Variants in DHX33 observed in about 807,000 individuals in gnomAD.
DHX33 encodes the protein ATP-dependent RNA helicase DHX33.
In DHX33, 42 loss-of-function variants were observed where a neutral mutation model predicts 72.5. The observed-to-expected ratio is 0.58, with a 90% CI of 0.45 to 0.75. The LOEUF is 0.75. Ranked by LOEUF, DHX33 falls within the 30% of genes least tolerant of loss-of-function variation. DHX33 has a pLI of 0.00. For missense variants in DHX33, 842 were observed against 917.5 expected, an observed-to-expected ratio of 0.92 and a Z score of 1.06; for synonymous variants, 358 against 366.1, an observed-to-expected ratio of 0.98 and a Z score of 0.25.
In DHX33 at chr17:5,468,976, G is replaced by T; in HGVS notation, c.-117C>A. The T allele has an allele frequency of 1.7e-6, 1 of 585,470 alleles. No homozygotes were observed. The highest frequency in any genetic ancestry group is 2.9e-5 in the Admixed American group (1 of 34,386). 36.3% of individuals were successfully genotyped at this position (585,470 alleles called of 1,614,324 possible). A position where few individuals can be genotyped will look rare whatever the true frequency, so the allele number is the denominator to read the frequency against. On this transcript the variant is annotated 5_prime_UTR_variant, in exon 1 of 12. Transcript: ENST00000225296. The stretch of plus-strand genomic sequence containing the variant: ...CCGCCACGTGCTGGCGGCTCCCGGC[G>T]ACCACCGATGACCTCACGGCCGCCC...
At chr17:5,445,557 G>A (rs1362181100) in intron 11 of DHX33, among the ~76,000 whole-genome samples, 1 of 152,248 alleles carries the variant, frequency 6.6e-6, no homozygotes, top group Non-Finnish European at 1.5e-5. Flanking sequence ...TGCTCTTGAT[G>A]AGTGGGGCAT....
At chr17:5,465,064 T>A (rs1904814761) in intron 1 of DHX33, among the ~76,000 whole-genome samples, 1 of 152,264 alleles carries the variant, frequency 6.6e-6, no homozygotes, top group African/African-American at 2.4e-5. Flanking sequence ...GTGCTCTGAA[T>A]GTCCCTCTCG....
chr17:5,463,483 A>C, intron 2 of DHX33, 46 bp downstream of exon 2: 1 of 1,587,612 alleles, frequency 6.3e-7, no homozygotes, highest in Non-Finnish European at 8.6e-7. Flanking sequence ...ATGGGGAGAG[A>C]GCTGTTGAGT....
At chr17:5,445,422 T>G (rs1916620720) in intron 11 of DHX33, among the ~76,000 whole-genome samples, 1 of 152,210 alleles carries the variant, frequency 6.6e-6, no homozygotes, top group African/African-American at 2.4e-5. Context: ...CATAGCTGGC[T>G]GCCTTCTCTT....
In DHX33 at chr17:5,442,892, A is replaced by G. The variant is rs1916486919; in HGVS notation, c.*1313T>C. ...CCGTTAGTGCCTTTTCTCTGCTCAG[A>G]ATATCAGAACAGGAACAGACTGTGG... On this transcript the variant is annotated 3_prime_UTR_variant, in exon 12 of 12. Coordinates refer to ENST00000225296, the MANE Select transcript of DHX33 (RefSeq NM_020162.4). 1 of 152,228 alleles carries G rather than the reference A, an allele frequency of 6.6e-6. No individual in the cohort carries two copies. Among genetic ancestry groups the G allele is most frequent in the African/African-American group, 2.4e-5 (1 of 41,460 alleles). The allele number at this position is 152,228 out of a possible 1,614,324, so 9.4% of individuals were successfully genotyped here. A position where few individuals can be genotyped will look rare whatever the true frequency, so the allele number is the denominator to read the frequency against.
At position 5,461,034 on chromosome 17, in the gene DHX33, C is replaced by T. The variant is rs772092235; in HGVS notation, c.754G>A (p.Glu252Lys). ...YFNGAPVLYLEGRQHPIQVFY... is the reference protein window; with the variant it reads ...YFNGAPVLYLKGRQHPIQVFY... ...ACCTGGATCGGATGCTGCCGACCCT[C>T]TAGGTAGAGGACGGGGGCGCCATTG... Residue 252 changes from glutamate (E) to lysine (K), a missense_variant, in exon 4 of 12, where the codon GAG becomes AAG. Transcript: ENST00000225296. 3 of 1,613,414 alleles carry T rather than the reference C, an allele frequency of 1.9e-6. No homozygotes were observed.
chr17:5,445,741 G>A (rs1916633732), intron 11 of DHX33, among the ~76,000 whole-genome samples: 1 of 152,156 alleles, frequency 6.6e-6, no homozygotes, highest in Non-Finnish European at 1.5e-5. Flanking sequence ...CCATGCGGAG[G>A]TAAAGGTGAG....
chr17:5,450,296 C>T lies in DHX33; in HGVS notation c.1635G>A (p.Val545=), dbSNP rs140649356. 1.9e-6 allele frequency: 3 copies of T among 1,614,206 alleles called. No individual in the cohort carries two copies. The highest frequency in any genetic ancestry group is 2.5e-6 in the Non-Finnish European group (3 of 1,180,036). ...LHNPPSRREE[V]QGVRKKFISS... ...ATATGAACTTCTTGCGGACCCCTTGCACTTCCTCTCGCCGGGAAGGAGGGT... is the reference window on the plus strand; with the variant it reads ...ATATGAACTTCTTGCGGACCCCTTGTACTTCCTCTCGCCGGGAAGGAGGGT... Residue 545 remains valine, a synonymous_variant, in exon 10 of 12, where the codon GTG becomes GTA. Transcript: ENST00000225296.
At position 5,444,186 on chromosome 17, in the gene DHX33, G is replaced by C. The variant is rs1233684682; in HGVS notation, c.*19C>G. On this transcript the variant is annotated 3_prime_UTR_variant, in exon 12 of 12. Coordinates refer to ENST00000225296, the MANE Select transcript of DHX33 (RefSeq NM_020162.4). The surrounding 1 kb of genome is among the most constrained non-coding windows in gnomAD (Gnocchi z 4.9). ...CAAGCTCCCAGGGACCAGTGATTCT[G>C]GCGGCATCCTGGGGCGGCTCAGTTT... is the stretch of plus-strand genomic sequence containing the variant. 1 of 1,604,330 alleles carries C rather than the reference G, an allele frequency of 6.2e-7. No individual in the cohort carries two copies.
rs372892765 is a variant in DHX33 at position 5,444,189 on chromosome 17, G to A, written c.*16C>T. ...GCTCCCAGGGACCAGTGATTCTGGC[G>A]GCATCCTGGGGCGGCTCAGTTTCTG... On this transcript the variant is annotated 3_prime_UTR_variant, in exon 12 of 12. Coordinates refer to ENST00000225296, the MANE Select transcript of DHX33 (RefSeq NM_020162.4). This position sits in a 1 kb window ranked among gnomAD's most constrained non-coding sequence, Gnocchi z 4.9. The A allele has an allele frequency of 3.9e-5, 63 of 1,605,566 alleles. No homozygotes were observed. In the African/African-American group the frequency reaches 4.7e-4, roughly 12 times the overall value.
rs1012511169 is a variant in DHX33, at chr17:5,444,217, G to A, written c.2112C>T (p.Thr704=). The change falls in exon 12 of 12, where the codon ACC becomes ACT. Residue 704 remains threonine, a synonymous_variant. Coordinates refer to ENST00000225296, the MANE Select transcript of DHX33 (RefSeq NM_020162.4). The surrounding 1 kb of genome is among the most constrained non-coding windows in gnomAD (Gnocchi z 4.9). ...APEYFRRKLR[T]ARN The stretch of plus-strand genomic sequence containing the variant: ...ATCCTGGGGCGGCTCAGTTTCTGGC[G>A]GTTCTCAGCTTCCTCCTAAAGTACT... 2 of 1,612,638 alleles carry A rather than the reference G, an allele frequency of 1.2e-6. No individual in the cohort carries two copies. Among genetic ancestry groups the A allele is most frequent in the Non-Finnish European group, 1.7e-6 (2 of 1,178,782 alleles).
intron 3 of DHX33, among the ~76,000 whole-genome samples, chr17:5,461,760 G>A (rs887078796): frequency 2.0e-5 from 3 of 151,506 alleles, no homozygotes; most frequent in African/African-American, 7.3e-5. Context: ...CGTTGGCCAG[G>A]CTGGTCTCGA....
chr17:5,462,801 C>T (rs1356382435), intron 2 of DHX33, among the ~76,000 whole-genome samples: 1 of 151,988 alleles, frequency 6.6e-6, no homozygotes, highest in African/African-American at 2.4e-5. Flanking sequence ...TCATGTGGGC[C>T]GGGTGTGGTG....
At chr17:5,449,658 A>T (rs563529440) in intron 10 of DHX33, among the ~76,000 whole-genome samples, 1 of 152,296 alleles carries the variant, frequency 6.6e-6, no homozygotes, top group East Asian at 1.9e-4. Context: ...GCTGGTCTGG[A>T]AGTCCTGGGC....
In DHX33 at chr17:5,458,689, A is replaced by G. The variant is rs147401758; in HGVS notation, c.849+2250T>C. On this transcript the variant is annotated intron_variant, in intron 4 of 11. Coordinates refer to ENST00000225296, the MANE Select transcript of DHX33 (RefSeq NM_020162.4). Reference sequence around the variant, plus strand: ...TTTGTCACCATGGTAAGAAATTAGCATATGATGCCTGATACCCATAACTCA... The same window carrying G: ...TTTGTCACCATGGTAAGAAATTAGCGTATGATGCCTGATACCCATAACTCA... 5.9e-5 allele frequency among the ~76,000 whole-genome samples: 9 copies of G among 152,358 alleles called. No homozygotes were observed. In the East Asian group the frequency reaches 1.5e-3, roughly 26 times the overall value.
chr17:5,450,706 GA>G, intron 9 of DHX33, 100 bp downstream of exon 9: 2 of 1,520,280 alleles, frequency 1.3e-6, no homozygotes, highest in South Asian at 2.5e-5. Context: ...TTATGTAAGA[GA>G]AAAAGTGAGA....
At position 5,462,440 on chromosome 17, in the gene DHX33, C is replaced by T. The variant is rs754885958; in HGVS notation, c.557G>A (p.Arg186Gln). ...ATCCAAAATGACACAGCTGTATTTC[C>T]GAAGCAAAGAGTCTGAAATTGCTTC... Reference protein sequence around the residue: ...LREAISDSLLRKYSCVILDEA... With the variant: ...LREAISDSLLQKYSCVILDEA... Residue 186 changes from arginine to glutamine, a missense_variant, in exon 3 of 12, where the codon CGG (arginine) becomes CAG (glutamine). By Grantham distance (43) the Arg-to-Gln change is conservative. Coordinates refer to ENST00000225296, the MANE Select transcript of DHX33 (RefSeq NM_020162.4). 64 of 1,614,054 alleles carry T rather than the reference C, an allele frequency of 4.0e-5. No homozygotes were observed. The highest frequency in any genetic ancestry group is 4.5e-5 in the East Asian group (2 of 44,890).
intron 11 of DHX33, among the ~76,000 whole-genome samples, chr17:5,447,318 GA>G: frequency 6.6e-6 from 1 of 152,050 alleles, no homozygotes; most frequent in East Asian, 1.9e-4. Flanking sequence ...AGGAGTTCGA[GA>G]CCAGCCTGGC....
rs1020866036 is a variant in DHX33, at chr17:5,444,635, G to A, written c.1816-122C>T. 2.1e-5 allele frequency: 22 copies of A among 1,031,776 alleles called. No individual in the cohort carries two copies. Among genetic ancestry groups the A allele is most frequent in the Non-Finnish European group, 2.6e-5 (19 of 717,928 alleles). The allele number at this position is 1,031,776 out of a possible 1,614,324, so 63.9% of individuals were successfully genotyped here. ...AAGCAGCCCACATTGTGAGCCTAACGATGTGGATTCTGACATTCGGAGGTG... is the reference window on the plus strand; with the variant it reads ...AAGCAGCCCACATTGTGAGCCTAACAATGTGGATTCTGACATTCGGAGGTG... On this transcript the variant is annotated intron_variant, in intron 11 of 11. Coordinates refer to ENST00000225296, the MANE Select transcript of DHX33 (RefSeq NM_020162.4). The surrounding 1 kb of genome is among the most constrained non-coding windows in gnomAD (Gnocchi z 4.9).
Sources: gnomAD v4.1 joint callset for allele counts (sites outside exome capture counted in the v4.1 genomes callset) on GRCh38, gnomAD v4.1.1 for gene constraint, Gnocchi (gnomAD v3.1) non-coding constraint, MANE v1.5 for transcripts, NCBI Gene and HGNC (gene_info 2026-07-23, HGNC 2026-07-21) for gene names.